The following SNTG2 variants were observed in gnomAD, a reference collection of about 807,000 sequenced individuals.
SNTG2 encodes gamma-2-syntrophin.
A neutral mutation model predicts 70.9 loss-of-function variants in SNTG2; 74 were observed. That is an observed-to-expected ratio of 1.04 (90% confidence interval 0.86 to 1.27). The LOEUF (loss-of-function observed/expected upper bound fraction) is 1.27. SNTG2 is among the 50% of genes most tolerant of loss of function. The pLI is 0.00. For missense variants in SNTG2, 717 were observed against 690.7 expected (o/e 1.04, Z -0.43); for synonymous variants, 278 against 273.8 (o/e 1.02, Z -0.15).
At chr2:1,262,005 G>A (rs559302141) in intron 13 of SNTG2, among the ~76,000 whole-genome samples, 8 of 152,096 alleles carry the variant, frequency 5.3e-5, no homozygotes, top group Admixed American at 1.3e-4. Flanking sequence ...TGTTCTCCAC[G>A]GATCTTCGGG....
chr2:1,031,508 TTATATA>T (rs1316440220), intron 1 of SNTG2, among the ~76,000 whole-genome samples: 3 of 57,768 alleles, frequency 5.2e-5, no homozygotes, highest in Non-Finnish European at 9.1e-5. Flanking sequence ...TAGTTCATTG[TTATATA>T]TATATATATA....
intron 8 of SNTG2, among the ~76,000 whole-genome samples, chr2:1,190,517 AT>A (rs1672525301): frequency 1.3e-5 from 1 of 79,052 alleles, no homozygotes; most frequent in African/African-American, 4.0e-5. Flanking sequence ...ATATATATAT[AT>A]ATATATATAT....
chr2:956,030 GGCCCCTGCCCCT>G lies in SNTG2; in HGVS notation c.72+4981_72+4992del, dbSNP rs74164481. Among the ~76,000 whole-genome samples, 161 of 125,862 alleles carry G rather than the reference GGCCCCTGCCCCT, an allele frequency of 1.3e-3. 2 individuals carry two copies. Among genetic ancestry groups the G allele is most frequent in the African/African-American group, 2.4e-3 (76 of 31,622 alleles). 82.6% of individuals were successfully genotyped at this position (125,862 alleles called of 152,430 possible). On this transcript the variant is annotated intron_variant, in intron 1 of 16. Transcript: ENST00000308624. ...CACCCACTGCCCTTGTGACTGTGCT[GGCCCCTGCCCCT>G]GCCCCTGCCCCTGCCCCTACCCCTG...
intron 1 of SNTG2, among the ~76,000 whole-genome samples, chr2:975,079 G>A (rs1040711772): frequency 6.6e-6 from 1 of 151,918 alleles, no homozygotes; most frequent in African/African-American, 2.4e-5. Flanking sequence ...ACATGCGCTT[G>A]CACCCACTCA....
At chr2:1,238,105 T>C in intron 10 of SNTG2, 88 bp downstream of exon 10, 1 of 1,467,238 alleles carries the variant, frequency 6.8e-7, no homozygotes, top group Non-Finnish European at 9.2e-7. Flanking sequence ...GATTTATGAT[T>C]AACCCGAAAC....
chr2:1,116,331 A>C (rs1168193768), intron 4 of SNTG2, among the ~76,000 whole-genome samples: 2 of 152,366 alleles, frequency 1.3e-5, no homozygotes, highest in African/African-American at 4.8e-5. Flanking sequence ...AGAAGCTGCC[A>C]GGGAAGCAGG....
intron 6 of SNTG2, among the ~76,000 whole-genome samples, chr2:1,156,538 A>G (rs1248560303): frequency 6.6e-6 from 1 of 152,124 alleles, no homozygotes; most frequent in Non-Finnish European, 1.5e-5. Context: ...AACCGTCATG[A>G]ATTTAGAGAT....
At chr2:1,056,976 G>T (rs1463624908) in intron 1 of SNTG2, among the ~76,000 whole-genome samples, 1 of 145,086 alleles carries the variant, frequency 6.9e-6, no homozygotes, top group Admixed American at 6.8e-5. Flanking sequence ...GAGGGAGAGC[G>T]CGGGGCCACC....
chr2:1,006,764 G>A (rs1334629132), intron 1 of SNTG2, among the ~76,000 whole-genome samples: 2 of 152,076 alleles, frequency 1.3e-5, no homozygotes, highest in Non-Finnish European at 2.9e-5. Flanking sequence ...GGTGGCTCAC[G>A]CCTGTAATGT....
chr2:1,098,207 T>A lies in SNTG2; in HGVS notation c.222T>A (p.Val74=), dbSNP rs201056844. The change falls in exon 3 of 17, where the codon GTT becomes GTA. Residue 74 remains valine (V), a synonymous_variant. Coordinates refer to ENST00000308624, the MANE Select transcript of SNTG2 (RefSeq NM_018968.4). ...AAAATGTTTTAAAGCGCAGAACTGT[T>A]ACACTCCGCAGACAGCCAGTTGGCG... ...GSHQGRNRRT[V]TLRRQPVGGL... 1.8e-4 allele frequency: 283 copies of A among 1,614,044 alleles called. 2 individuals are homozygous for A. The highest frequency in any genetic ancestry group is 7.8e-4 in the Admixed American group (47 of 60,030).
chr2:1,046,599 T>TC (rs1661749973), intron 1 of SNTG2, among the ~76,000 whole-genome samples: 1 of 152,200 alleles, frequency 6.6e-6, no homozygotes, highest in African/African-American at 2.4e-5. Flanking sequence ...GGATTTTATT[T>TC]CCCCTTCACT....
intron 1 of SNTG2, among the ~76,000 whole-genome samples, chr2:979,193 G>T (rs1053766465): frequency 8.5e-5 from 13 of 152,310 alleles, no homozygotes; most frequent in Admixed American, 4.6e-4. Flanking sequence ...GGTTGGGGGG[G>T]TATTGACCTG....
At chr2:1,033,770 C>G (rs59064274) in intron 1 of SNTG2, among the ~76,000 whole-genome samples, 49,365 of 151,960 alleles carry the variant, frequency 0.32, 9,052 homozygotes, top group Middle Eastern at 0.46. Flanking sequence ...GTGTTGTAGT[C>G]TACACTCACA....
chr2:957,050 T>A (rs1047199562), intron 1 of SNTG2, among the ~76,000 whole-genome samples: 1 of 152,240 alleles, frequency 6.6e-6, no homozygotes, highest in Non-Finnish European at 1.5e-5. Flanking sequence ...TCAGTTTGCC[T>A]TTTTACATGA....
At chr2:1,202,088 T>C (rs576304095) in intron 8 of SNTG2, among the ~76,000 whole-genome samples, 1 of 152,148 alleles carries the variant, frequency 6.6e-6, no homozygotes, top group East Asian at 1.9e-4. Flanking sequence ...TGGAAGGACA[T>C]TAAACCACGT....
At chr2:1,288,623 A>G (rs975366480) in intron 14 of SNTG2, among the ~76,000 whole-genome samples, 1 of 150,558 alleles carries the variant, frequency 6.6e-6, no homozygotes, top group Non-Finnish European at 1.5e-5. Flanking sequence ...ATACATACAC[A>G]TGGGCACAGC....
At chr2:1,296,740 G>A (rs936492902) in intron 14 of SNTG2, among the ~76,000 whole-genome samples, 1 of 152,180 alleles carries the variant, frequency 6.6e-6, no homozygotes, top group African/African-American at 2.4e-5. Flanking sequence ...TCAGCACAGG[G>A]CAGACTCCCC....
chr2:1,224,625 G>A (rs968029472), intron 9 of SNTG2, among the ~76,000 whole-genome samples: 3 of 152,168 alleles, frequency 2.0e-5, no homozygotes, highest in African/African-American at 7.2e-5. Context: ...AACCCTCGGC[G>A]GCATCTGCAG....
intron 9 of SNTG2, among the ~76,000 whole-genome samples, chr2:1,235,188 C>T (rs1358751347): frequency 6.7e-6 from 1 of 148,394 alleles, no homozygotes; most frequent in Non-Finnish European, 1.5e-5. Context: ...CCCCACTCTG[C>T]CCTGAGGTCC....
Sources: allele counts gnomAD v4.1 joint callset (sites outside exome capture counted in the v4.1 genomes callset), GRCh38; gene constraint gnomAD v4.1.1; transcripts MANE v1.5; gene names NCBI Gene and HGNC (gene_info 2026-07-23, HGNC 2026-07-21).